ADAMTS14: variants seen among roughly 807,000 people sequenced by gnomAD.
The protein encoded by ADAMTS14 is A disintegrin and metalloproteinase with thrombospondin motifs 14.
Under a neutral mutation model 128.6 loss-of-function variants are expected in ADAMTS14, and 100 were observed. The observed-to-expected ratio is 0.78, with a 90% CI of 0.66 to 0.92. The LOEUF (loss-of-function observed/expected upper bound fraction) is 0.92, where lower values mean the gene tolerates loss of function less well. Among genes scored for constraint, ADAMTS14 ranks in the 40% least tolerant of loss-of-function variants. The pLI is 0.00. For missense variants in ADAMTS14, 1,562 were observed against 1,658.6 expected, an observed-to-expected ratio of 0.94 and a Z score of 1.01; for synonymous variants, 665 against 653.8, an observed-to-expected ratio of 1.02 and a Z score of -0.26.
chr10:70,748,046 AAGG>A (rs1394945638), intron 15 of ADAMTS14, among the ~76,000 whole-genome samples: 1 of 151,812 alleles, frequency 6.6e-6, no homozygotes, highest in Non-Finnish European at 1.5e-5. Flanking sequence ...TAGGGAAGAG[AAGG>A]AGAACTCATG....
intron 4 of ADAMTS14, among the ~76,000 whole-genome samples, chr10:70,710,957 A>T (rs1840835685): frequency 6.6e-6 from 1 of 152,188 alleles, no homozygotes; most frequent in South Asian, 2.1e-4. Context: ...ATCTGGCTGC[A>T]CCTTTGACGA....
chr10:70,726,941 G>A (rs569541508), intron 4 of ADAMTS14, among the ~76,000 whole-genome samples: 9 of 152,364 alleles, frequency 5.9e-5, no homozygotes, highest in African/African-American at 2.2e-4. Flanking sequence ...CTTGTGGTGG[G>A]CATTGGCATT....
intron 2 of ADAMTS14, among the ~76,000 whole-genome samples, chr10:70,688,565 C>T (rs1258838124): frequency 7.8e-5 from 5 of 64,194 alleles, no homozygotes; most frequent in African/African-American, 1.7e-4. Context: ...CACTGCACTC[C>T]AGCCTGGGCA....
In ADAMTS14 at chr10:70,689,316, C is replaced by T. The variant is rs1327082454; in HGVS notation, c.523-12996C>T. On this transcript the variant is annotated intron_variant, in intron 2 of 21. Coordinates refer to ENST00000373207, the MANE Select transcript of ADAMTS14 (RefSeq NM_080722.4). ...TGGTTTCATTCCAAAGTCAGTTGTG[C>T]AGCACCAACCAGTTCATCCCCCTGA... Among the ~76,000 whole-genome samples, 2 of 144,734 alleles carry T rather than the reference C, an allele frequency of 1.4e-5. 1 individual carries two copies. The highest frequency in any genetic ancestry group is 3.2e-5 in the Non-Finnish European group (2 of 63,290). 95.0% of individuals were successfully genotyped at this position (144,734 alleles called of 152,430 possible).
At chr10:70,732,575 T>TTCGGGCCTGCC (rs1841681506) in intron 7 of ADAMTS14, among the ~76,000 whole-genome samples, 1 of 152,204 alleles carries the variant, frequency 6.6e-6, no homozygotes, top group Non-Finnish European at 1.5e-5. Context: ...TGAGTAGTAA[T>TTCGGGCCTGCC]TTGGGCCTGC....
rs116134392 is a variant in ADAMTS14 at position 70,692,475 on chromosome 10, T to C, written c.523-9837T>C. Among the ~76,000 whole-genome samples, 1,508 of 152,332 alleles carry C rather than the reference T, an allele frequency of 9.9e-3. 32 individuals carry two copies. Among genetic ancestry groups the C allele is most frequent in the African/African-American group, 0.034 (1,431 of 41,572 alleles). ...TCCCTCCCCAGCGAAGCCTCTACAC[T>C]ACTTTGCAGGGAAGTTGAATGACAG... On this transcript the variant is annotated intron_variant, in intron 2 of 21. Transcript: ENST00000373207.
intron 4 of ADAMTS14, 116 bp from the exon 5 acceptor site, chr10:70,729,178 T>C: frequency 1.2e-6 from 1 of 868,954 alleles, no homozygotes; most frequent in Non-Finnish European, 1.9e-6. Flanking sequence ...GATAAGTATC[T>C]TGCCTGATAA....
chr10:70,728,391 C>T (rs1202427775), intron 4 of ADAMTS14, among the ~76,000 whole-genome samples: 1 of 152,078 alleles, frequency 6.6e-6, no homozygotes, highest in Non-Finnish European at 1.5e-5. Flanking sequence ...TTGTAGTTTT[C>T]AGTTTTTATT....
intron 6 of ADAMTS14, among the ~76,000 whole-genome samples, chr10:70,731,768 C>T (rs903848058): frequency 7.9e-5 from 12 of 152,206 alleles, no homozygotes; most frequent in Admixed American, 6.5e-4. Flanking sequence ...GCCCATGCCT[C>T]ATCACGTGAT....
At chr10:70,728,642 C>T (rs772848199) in intron 4 of ADAMTS14, among the ~76,000 whole-genome samples, 3 of 152,194 alleles carry the variant, frequency 2.0e-5, no homozygotes, top group Non-Finnish European at 2.9e-5. Flanking sequence ...CAGTCCTGGG[C>T]CTGTGAGAAA....
In ADAMTS14 at chr10:70,701,523, G is replaced by T. The variant is rs375366603; in HGVS notation, c.523-789G>T. Among the ~76,000 whole-genome samples, 13 of 152,338 alleles carry T rather than the reference G, an allele frequency of 8.5e-5. No individual in the cohort carries two copies. In the East Asian group the frequency reaches 1.5e-3, roughly 18 times the overall value. ...TGTGTGTATGTGCACGTGTGCATAT[G>T]CAGACACACATACACGAACCCACAT... On this transcript the variant is annotated intron_variant, in intron 2 of 21. Coordinates refer to ENST00000373207, the MANE Select transcript of ADAMTS14 (RefSeq NM_080722.4).
intron 4 of ADAMTS14, among the ~76,000 whole-genome samples, chr10:70,725,984 G>A (rs1286114952): frequency 6.6e-6 from 1 of 152,178 alleles, no homozygotes; most frequent in East Asian, 1.9e-4. Context: ...TGGGGGTGGG[G>A]GCCTGAGCTG....
At chr10:70,748,971 C>T (rs992801703) in intron 15 of ADAMTS14, among the ~76,000 whole-genome samples, 6 of 152,196 alleles carry the variant, frequency 3.9e-5, no homozygotes, top group South Asian at 2.1e-4. Flanking sequence ...ACCTGCCTCC[C>T]GGGGTCTTTT....
rs775363551 is a variant in ADAMTS14, at chr10:70,743,553, C to T, written c.1930C>T (p.Gln644Ter). 6.2e-7 allele frequency: 1 copy of T among 1,612,578 alleles called. No homozygotes were observed. Among genetic ancestry groups the T allele is most frequent in the Non-Finnish European group, 8.5e-7 (1 of 1,179,614 alleles). Residue 644 changes from glutamine to a stop codon, truncating the protein, a stop_gained, in exon 13 of 22, where the codon CAG becomes TAG. Transcript: ENST00000373207. LOFTEE classifies it high-confidence loss of function. ...WVPYEPDDDA[Q>*]KCELICQSAD... ...CATAGTCCCTCTCCCTACAGACGCC[C>T]AGAAGTGTGAGCTGATCTGCCAGTC...
chr10:70,745,154 G>A (rs1032772951), intron 14 of ADAMTS14, 72 bp from the exon 15 acceptor site: 61 of 1,424,588 alleles, frequency 4.3e-5, no homozygotes, highest in Non-Finnish European at 5.7e-5. Flanking sequence ...CCCAGTGAGG[G>A]AGTGGGGGAC....
intron 10 of ADAMTS14, among the ~76,000 whole-genome samples, chr10:70,738,226 C>T (rs549496575): frequency 6.6e-6 from 1 of 152,230 alleles, no homozygotes; most frequent in Non-Finnish European, 1.5e-5. Flanking sequence ...TTGAGCCCTC[C>T]CTTATTGCCT....
At chr10:70,737,319 GA>G (rs1296666044) in intron 10 of ADAMTS14, among the ~76,000 whole-genome samples, 2 of 152,176 alleles carry the variant, frequency 1.3e-5, no homozygotes, top group East Asian at 3.9e-4. Context: ...TTGCCCGGGG[GA>G]CCCCGTGGCT....
At chr10:70,742,542 C>A (rs1242647367) in intron 12 of ADAMTS14, among the ~76,000 whole-genome samples, 2 of 152,224 alleles carry the variant, frequency 1.3e-5, no homozygotes, top group Admixed American at 6.5e-5. Context: ...TGTGCTGGAG[C>A]CCAGGGACCA....
chr10:70,753,886 TCTC>T lies in ADAMTS14; in HGVS notation c.2818_2820del (p.Ser940del). The T allele has an allele frequency of 6.3e-7, 1 of 1,592,018 alleles. No individual in the cohort carries two copies. Among genetic ancestry groups the T allele is most frequent in the South Asian group, 1.2e-5 (1 of 86,790 alleles). ...CGGGGGATACAGTGCCTGCTGCCCCTCTCCAATGGAACCCACAAGGTCATGCCG... is the reference window on the plus strand; with the variant it reads ...CGGGGGATACAGTGCCTGCTGCCCCTCAATGGAACCCACAAGGTCATGCCG... On this transcript the variant is annotated inframe_deletion, in exon 19 of 22. Coordinates refer to ENST00000373207, the MANE Select transcript of ADAMTS14 (RefSeq NM_080722.4).
Sources: allele counts gnomAD v4.1 joint callset (sites outside exome capture counted in the v4.1 genomes callset), GRCh38; gene constraint gnomAD v4.1.1; transcripts MANE v1.5; gene names NCBI Gene and HGNC (gene_info 2026-07-23, HGNC 2026-07-21).